The following CHST3 variants were observed in gnomAD, a reference collection of about 807,000 sequenced individuals.
CHST3 encodes the protein carbohydrate sulfotransferase 3.
CHST3 carries 20 observed loss-of-function variants against 35.4 expected under a neutral mutation model. That is an observed-to-expected ratio of 0.57 (90% CI 0.40 to 0.82). The LOEUF (loss-of-function observed/expected upper bound fraction) is 0.82. CHST3 is among the 40% of genes least tolerant of loss of function. The probability of loss-of-function intolerance (pLI) is 0.00; values close to 1 mark genes in which losing one functional copy is unlikely to be tolerated. For missense variants in CHST3, 693 were observed against 670.1 expected (o/e 1.03, Z -0.38); for synonymous variants, 334 against 295.9 (o/e 1.13, Z -1.32).
chr10:71,996,965 C>T (rs1839946970), intron 1 of CHST3, among the ~76,000 whole-genome samples: 1 of 152,098 alleles, frequency 6.6e-6, no homozygotes, highest in Non-Finnish European at 1.5e-5. Context: ...CTATGTTGCT[C>T]AGGATGGTCT....
intron 1 of CHST3, among the ~76,000 whole-genome samples, chr10:71,990,744 C>T (rs1184249851): frequency 6.6e-6 from 1 of 152,188 alleles, no homozygotes; most frequent in Non-Finnish European, 1.5e-5. Context: ...CTGTTAATGC[C>T]AGCACACTGG....
rs997027841 is a variant in CHST3, at chr10:71,993,860, G to A, written c.-107-11876G>A. Among the ~76,000 whole-genome samples, 3 of 152,162 alleles carry A rather than the reference G, an allele frequency of 2.0e-5. No homozygotes were observed. In the South Asian group the frequency reaches 6.2e-4, roughly 32 times the overall value. On this transcript the variant is annotated intron_variant, in intron 1 of 2. Transcript: ENST00000373115. The stretch of plus-strand genomic sequence containing the variant: ...CACATCTGTAATCCCAACACTTTGG[G>A]AGGCTGAGGTGGGTGGATCACCTGA...
Position 72,012,897 on chromosome 10 carries a change from C to T in CHST3, c.*4426C>T, listed in dbSNP as rs984739021. The T allele has an allele frequency of 2.0e-5, 3 of 152,246 alleles. No individual in the cohort carries two copies. Among genetic ancestry groups the T allele is most frequent in the African/African-American group, 7.2e-5 (3 of 41,462 alleles). 9.4% of individuals were successfully genotyped at this position (152,246 alleles called of 1,614,324 possible). ...CAAAAGCACAAAGCAGAATTGGCAA[C>T]TTCACTTGTCTCAAGAGCTCCAAGA... On this transcript the variant is annotated 3_prime_UTR_variant, in exon 3 of 3. Coordinates refer to ENST00000373115, the MANE Select transcript of CHST3 (RefSeq NM_004273.5).
intron 1 of CHST3, among the ~76,000 whole-genome samples, chr10:71,982,564 G>A (rs1839810835): frequency 6.6e-6 from 1 of 152,108 alleles, no homozygotes; most frequent in African/African-American, 2.4e-5. Flanking sequence ...ACCAGCCTGG[G>A]CAACCTGATG....
chr10:72,009,974 C>G lies in CHST3; in HGVS notation c.*1503C>G, dbSNP rs745509297. ...AGAGGACAGGAGGAGGAGCCTTCCC[C>G]AGGAGGAACGAGGAGAGGTGGCCAC... On this transcript the variant is annotated 3_prime_UTR_variant, in exon 3 of 3. Transcript: ENST00000373115. 1 of 153,002 alleles carries G rather than the reference C, an allele frequency of 6.5e-6. No homozygotes were observed. The highest frequency in any genetic ancestry group is 1.5e-5 in the Non-Finnish European group (1 of 68,390). 9.5% of individuals were successfully genotyped at this position (153,002 alleles called of 1,614,324 possible). A position where few individuals can be genotyped will look rare whatever the true frequency, so the allele number is the denominator to read the frequency against.
At chr10:71,988,885 G>A (rs1250164094) in intron 1 of CHST3, among the ~76,000 whole-genome samples, 1 of 152,124 alleles carries the variant, frequency 6.6e-6, no homozygotes, top group Non-Finnish European at 1.5e-5. Context: ...TTGCCAGGCC[G>A]GGTGTGGTGG....
At position 72,008,072 on chromosome 10, in the gene CHST3, C is replaced by G; in HGVS notation, c.1041C>G (p.Ser347Arg). ...EVQRLRGNCE[S>R]IRLSAELGLR... ...AGCGGCTGCGGGGCAACTGCGAGAG[C>G]ATCCGCCTGTCCGCGGAGCTGGGGC... is the stretch of plus-strand genomic sequence containing the variant. The change falls in exon 3 of 3, where the codon AGC becomes AGG. Residue 347 changes from serine (S) to arginine (R), a missense_variant. Physicochemically the swap from Ser to Arg is moderately radical, Grantham distance 110. Coordinates refer to ENST00000373115, the MANE Select transcript of CHST3 (RefSeq NM_004273.5). The G allele has an allele frequency of 6.5e-7, 1 of 1,546,312 alleles. No individual in the cohort carries two copies.
In CHST3 at chr10:71,971,435, T is replaced by C. The variant is rs569905640; in HGVS notation, c.-108+6741T>C. Among the ~76,000 whole-genome samples, 7 of 152,334 alleles carry C rather than the reference T, an allele frequency of 4.6e-5. No homozygotes were observed. In the South Asian group the frequency reaches 1.5e-3, roughly 32 times the overall value. ...CCAGTCTGCAGGTTGATCAGCTTTC[T>C]GTCATGTGTGTGCTGTTCCTGTTCA... is the stretch of plus-strand genomic sequence containing the variant. On this transcript the variant is annotated intron_variant, in intron 1 of 2. Transcript: ENST00000373115.
intron 1 of CHST3, among the ~76,000 whole-genome samples, chr10:71,987,281 A>G (rs950522775): frequency 1.5e-5 from 2 of 134,182 alleles, no homozygotes; most frequent in East Asian, 3.9e-4. Flanking sequence ...CGGGAGCAGG[A>G]AAAAAAAAAA....
intron 1 of CHST3, among the ~76,000 whole-genome samples, chr10:71,980,922 A>G (rs1839795253): frequency 6.6e-6 from 1 of 152,236 alleles, no homozygotes; most frequent in Admixed American, 6.5e-5. Flanking sequence ...TTGCATGTAG[A>G]AAAGGCCTGC....
chr10:72,003,700 C>CAAAAA (rs10688056), intron 1 of CHST3, among the ~76,000 whole-genome samples: 6 of 111,554 alleles, frequency 5.4e-5, no homozygotes, highest in African/African-American at 2.1e-4. Context: ...GACTCTGTCT[C>CAAAAA]AAAAAAAAAA....
chr10:71,974,996 G>A lies in CHST3; in HGVS notation c.-108+10302G>A, dbSNP rs558439499. Among the ~76,000 whole-genome samples, 7 of 152,360 alleles carry A rather than the reference G, an allele frequency of 4.6e-5. No homozygotes were observed. The South Asian group carries it at 1.4e-3, about 32-fold the overall frequency. ...TGATTGGAATTCTGGGTGGGGAGGG[G>A]ACAGCTCAGAAGCCTGTGTCGAGCT... is the stretch of plus-strand genomic sequence containing the variant. On this transcript the variant is annotated intron_variant, in intron 1 of 2. Coordinates refer to ENST00000373115, the MANE Select transcript of CHST3 (RefSeq NM_004273.5).
chr10:71,987,251 A>G (rs1839855359), intron 1 of CHST3, among the ~76,000 whole-genome samples: 1 of 151,964 alleles, frequency 6.6e-6, no homozygotes, highest in African/African-American at 2.4e-5. Context: ...TGGACAGAAC[A>G]CAAGAGGTTG....
intron 1 of CHST3, among the ~76,000 whole-genome samples, chr10:71,979,742 A>G (rs1335072172): frequency 6.6e-6 from 1 of 152,086 alleles, no homozygotes; most frequent in East Asian, 1.9e-4. Flanking sequence ...ATAATGCTAG[A>G]TGCTTAGTAT....
intron 1 of CHST3, among the ~76,000 whole-genome samples, chr10:71,993,974 C>T (rs1307243854): frequency 6.6e-6 from 1 of 152,112 alleles, no homozygotes; most frequent in Non-Finnish European, 1.5e-5. Flanking sequence ...GTGGCGGGCA[C>T]CTGTAATCCC....
At chr10:71,984,497 G>C (rs529202578) in intron 1 of CHST3, among the ~76,000 whole-genome samples, 1 of 152,318 alleles carries the variant, frequency 6.6e-6, no homozygotes, top group African/African-American at 2.4e-5. Context: ...GTTGGTGACA[G>C]GTCCTGAAAG....
Position 72,011,168 on chromosome 10 carries a change from A to T in CHST3, c.*2697A>T, listed in dbSNP as rs890458768. On this transcript the variant is annotated 3_prime_UTR_variant, in exon 3 of 3. Transcript: ENST00000373115. ...GACACCAGAAGACGATTCAGAACAC[A>T]AGAGGAGAATGAGCTGGAGCGCCAG... 1 of 152,222 alleles carries T rather than the reference A, an allele frequency of 6.6e-6. No individual in the cohort carries two copies. Among genetic ancestry groups the T allele is most frequent in the Admixed American group, 6.5e-5 (1 of 15,278 alleles). 9.4% of individuals were successfully genotyped at this position (152,222 alleles called of 1,614,324 possible). A position where few individuals can be genotyped will look rare whatever the true frequency, so the allele number is the denominator to read the frequency against.
chr10:71,968,132 C>T (rs1389802828), intron 1 of CHST3, among the ~76,000 whole-genome samples: 1 of 152,102 alleles, frequency 6.6e-6, no homozygotes, highest in African/African-American at 2.4e-5. Context: ...CCCTTTTCTC[C>T]ACAACCTGGC....
chr10:71,979,769 A>G (rs536460383), intron 1 of CHST3, among the ~76,000 whole-genome samples: 1 of 152,166 alleles, frequency 6.6e-6, no homozygotes, highest in Non-Finnish European at 1.5e-5. Context: ...TTCAAGTACA[A>G]TGGGTAAATA....
Sources: allele counts gnomAD v4.1 joint callset (sites outside exome capture counted in the v4.1 genomes callset), GRCh38; gene constraint gnomAD v4.1.1; transcripts MANE v1.5; gene names NCBI Gene and HGNC (gene_info 2026-07-23, HGNC 2026-07-21).